Variants in SGCZ observed in about 807,000 individuals in gnomAD.
SGCZ encodes the protein sarcoglycan zeta, also known as zeta-sarcoglycan.
SGCZ carries 40 observed loss-of-function variants against 41.3 expected under a neutral mutation model. The observed-to-expected ratio is 0.97, with a 90% CI of 0.75 to 1.26. SGCZ has a LOEUF of 1.26. Among genes scored for constraint, SGCZ ranks in the 50% most tolerant of loss-of-function variants. SGCZ has a pLI of 0.00. For synonymous variants in SGCZ, 206 were observed against 137.5 expected, an observed-to-expected ratio of 1.50 and a Z score of -3.49; for missense variants, 552 against 369.8, an observed-to-expected ratio of 1.49 and a Z score of -4.04.
chr8:14,600,002 A>G (rs1240473434), intron 1 of SGCZ, among the ~76,000 whole-genome samples: 1 of 152,224 alleles, frequency 6.6e-6, no homozygotes, highest in African/African-American at 2.4e-5. Context: ...TTTTCTTTCA[A>G]ACTTCATTCC....
chr8:14,842,344 A>G (rs958869105), intron 1 of SGCZ, among the ~76,000 whole-genome samples: 8 of 152,014 alleles, frequency 5.3e-5, no homozygotes, highest in Middle Eastern at 3.2e-3. Context: ...AGGAGAGAAA[A>G]AAAGGAAGGA....
At chr8:15,237,027 C>A (rs1011615706) in intron 1 of SGCZ, among the ~76,000 whole-genome samples, 9 of 152,216 alleles carry the variant, frequency 5.9e-5, no homozygotes, top group African/African-American at 9.6e-5. Flanking sequence ...GGAAACACTG[C>A]CCGCGGGCGG....
chr8:14,849,783 G>A (rs1041366152), intron 1 of SGCZ, among the ~76,000 whole-genome samples: 1 of 152,052 alleles, frequency 6.6e-6, no homozygotes, highest in African/African-American at 2.4e-5. Context: ...TTTAAATATG[G>A]AAAACTGTGC....
chr8:14,123,852 C>G (rs142202646), intron 5 of SGCZ, among the ~76,000 whole-genome samples: 25 of 152,158 alleles, frequency 1.6e-4, no homozygotes, highest in Non-Finnish European at 3.5e-4. Flanking sequence ...ATTGGATTAT[C>G]TTAAAAACAG....
At chr8:14,989,957 T>C (rs11992089) in intron 1 of SGCZ, among the ~76,000 whole-genome samples, 3,704 of 152,226 alleles carry the variant, frequency 0.024, 158 homozygotes, top group African/African-American at 0.084. Context: ...GGATGGCTGG[T>C]CAAAAGTACC....
chr8:14,996,352 G>GGGGT (rs1802218846), intron 1 of SGCZ, among the ~76,000 whole-genome samples: 1 of 152,198 alleles, frequency 6.6e-6, no homozygotes, highest in Non-Finnish European at 1.5e-5. Context: ...AACCAAATGA[G>GGGGT]GGGTGATGAC....
intron 4 of SGCZ, among the ~76,000 whole-genome samples, chr8:14,229,494 A>G (rs1806486319): frequency 6.6e-6 from 1 of 152,052 alleles, no homozygotes; most frequent in Non-Finnish European, 1.5e-5. Context: ...CTAATAATGA[A>G]CTCAAAATCA....
chr8:14,730,167 G>C (rs1445979246), intron 1 of SGCZ, among the ~76,000 whole-genome samples: 4 of 152,168 alleles, frequency 2.6e-5, no homozygotes, highest in African/African-American at 9.7e-5. Flanking sequence ...AGAGAATCTT[G>C]TCTGCTCTCA....
intron 1 of SGCZ, among the ~76,000 whole-genome samples, chr8:15,132,868 C>T (rs112830055): frequency 1.3e-5 from 2 of 152,142 alleles, no homozygotes; most frequent in African/African-American, 4.8e-5. Flanking sequence ...TGGCCAGGCA[C>T]AGGAACCCAT....
chr8:14,379,274 C>A (rs1804265177), intron 2 of SGCZ, among the ~76,000 whole-genome samples: 1 of 152,108 alleles, frequency 6.6e-6, no homozygotes, highest in Admixed American at 6.6e-5. Context: ...AAAAATTCAA[C>A]AAGGTAGCAG....
intron 2 of SGCZ, among the ~76,000 whole-genome samples, chr8:14,398,289 C>T (rs1798975083): frequency 1.3e-5 from 2 of 152,078 alleles, no homozygotes; most frequent in Admixed American, 6.6e-5. Context: ...AACAGTGTGA[C>T]CTATTCCTTA....
chr8:14,333,930 C>T lies in SGCZ; in HGVS notation c.235-9726G>A, dbSNP rs563751094. ...GGAAGTCTATGTAAAGATTCAGTTG[C>T]GTCCTAATGTGACTTCCTAGCTAGT... is the stretch of plus-strand genomic sequence containing the variant. On this transcript the variant is annotated intron_variant, in intron 2 of 7. Transcript: ENST00000382080. Among the ~76,000 whole-genome samples the T allele has an allele frequency of 3.3e-5, 5 of 152,204 alleles. No homozygotes were observed. The South Asian group carries it at 6.2e-4, about 19-fold the overall frequency.
chr8:14,453,924 T>G (rs1800668714), intron 2 of SGCZ, among the ~76,000 whole-genome samples: 2 of 152,208 alleles, frequency 1.3e-5, no homozygotes. Context: ...GTCAAAATGA[T>G]TTAACATAAA....
At chr8:14,786,407 A>T (rs951616033) in intron 1 of SGCZ, among the ~76,000 whole-genome samples, 2 of 152,182 alleles carry the variant, frequency 1.3e-5, no homozygotes, top group Non-Finnish European at 2.9e-5. Flanking sequence ...TTATTTATGA[A>T]ATGAAAGGAT....
chr8:15,215,734 A>C (rs1293201512), intron 1 of SGCZ, among the ~76,000 whole-genome samples: 2 of 152,210 alleles, frequency 1.3e-5, no homozygotes, highest in Admixed American at 6.5e-5. Context: ...TCAGTTGTTA[A>C]AGAGCTCTGG....
At chr8:14,101,554 G>T (rs963195422) in intron 7 of SGCZ, among the ~76,000 whole-genome samples, 1 of 152,202 alleles carries the variant, frequency 6.6e-6, no homozygotes, top group Admixed American at 6.5e-5. Context: ...AAAAATAAAT[G>T]ATGTCTGCAG....
Position 14,665,051 on chromosome 8 carries a change from A to G in SGCZ, c.40-110125T>C, listed in dbSNP as rs546544868. On this transcript the variant is annotated intron_variant, in intron 1 of 7. Coordinates refer to ENST00000382080, the MANE Select transcript of SGCZ (RefSeq NM_139167.4). ...AATTATACTCTAAGTTTTAGGGTAC[A>G]TATGCACAACGTGCAGGTTTGTTAC... Among the ~76,000 whole-genome samples, 28 of 152,328 alleles carry G rather than the reference A, an allele frequency of 1.8e-4. 1 individual carries two copies. In the South Asian group the frequency reaches 5.8e-3, roughly 32 times the overall value.
In SGCZ at chr8:14,734,438, G is replaced by A. The variant is rs191242319; in HGVS notation, c.40-179512C>T. 9.9e-5 allele frequency among the ~76,000 whole-genome samples: 15 copies of A among 152,180 alleles called. No individual in the cohort carries two copies. In the East Asian group the frequency reaches 2.3e-3, roughly 23 times the overall value. ...TGATACAAATTCACGCATTTGCCCC[G>A]AAACTTTTATAACAAAGTTTGTCTT... is the stretch of plus-strand genomic sequence containing the variant. On this transcript the variant is annotated intron_variant, in intron 1 of 7. Transcript: ENST00000382080.
At chr8:14,791,514 G>C (rs1349338824) in intron 1 of SGCZ, among the ~76,000 whole-genome samples, 1 of 151,822 alleles carries the variant, frequency 6.6e-6, no homozygotes. Context: ...ATCCCCTGTA[G>C]TTATCTATTT....
Sources: gnomAD v4.1 joint callset for allele counts (sites outside exome capture counted in the v4.1 genomes callset) on GRCh38, gnomAD v4.1.1 for gene constraint, MANE v1.5 for transcripts, NCBI Gene and HGNC (gene_info 2026-07-23, HGNC 2026-07-21) for gene names.